The following TTN variants were observed in gnomAD, a reference collection of about 807,000 sequenced individuals.
TTN encodes connectin.
TTN carries 1,525 observed loss-of-function variants against 3,223.0 expected under a neutral mutation model. The observed-to-expected ratio is 0.47, with a 90% CI of 0.45 to 0.49. The LOEUF is 0.49. TTN is among the 20% of genes least tolerant of loss of function. The pLI, the probability that TTN is intolerant of heterozygous loss-of-function variation, is 0.00. For missense variants in TTN, 40,786 were observed against 43,424.0 expected (o/e 0.94, Z 5.40); for synonymous variants, 14,094 against 15,161.0 (o/e 0.93, Z 5.17).
At chr2:178,782,747 A>C (rs1198901632) in intron 18 of TTN, 59 bp downstream of exon 18, 1 of 1,611,412 alleles carries the variant, frequency 6.2e-7, no homozygotes, top group Non-Finnish European at 8.5e-7. Flanking sequence ...ATTGTGGAAA[A>C]GAGTGTCAGA....
intron 278 of TTN, 94 bp downstream of exon 278, chr2:178,606,927 A>T (rs1279669628): frequency 7.2e-7 from 1 of 1,386,062 alleles, no homozygotes; most frequent in Non-Finnish European, 9.8e-7. Flanking sequence ...ATAGATTTTG[A>T]GACTGTTGGG....
Position 178,690,231 on chromosome 2 carries a change from C to T in TTN, c.31763-335G>A, listed in dbSNP as rs1035026562. Among the ~76,000 whole-genome samples, 4 of 152,158 alleles carry T rather than the reference C, an allele frequency of 2.6e-5. No individual in the cohort carries two copies. In the East Asian group the frequency reaches 7.7e-4, roughly 29 times the overall value. The stretch of plus-strand genomic sequence containing the variant: ...TGTGGATATGGTATATAGAAAACTT[C>T]TTTACGCTTTGTATTGAGAAATGGA... On this transcript the variant is annotated intron_variant, in intron 121 of 362. Transcript: ENST00000589042.
At position 178,731,027 on chromosome 2, in the gene TTN, G is replaced by A. The variant is rs1414423068; in HGVS notation, c.17638C>T (p.Leu5880=). 5 of 1,613,590 alleles carry A rather than the reference G, an allele frequency of 3.1e-6. No homozygotes were observed. The highest frequency in any genetic ancestry group is 1.1e-5 in the South Asian group (1 of 91,070). ...TTCTTTTCTGTAGAAATAATCTTCAGTATTGAGACTGTATCAGTGACACTG... is the reference window on the plus strand; with the variant it reads ...TTCTTTTCTGTAGAAATAATCTTCAATATTGAGACTGTATCAGTGACACTG... ...KISVTDTVSI[L]KIISTEKKDS... is the part of the protein sequence containing the mutation. The change falls in exon 60 of 363, where the codon CTG becomes TTG. Residue 5880 remains leucine, a synonymous_variant. Transcript: ENST00000589042.
intron 303 of TTN, 47 bp from the exon 304 acceptor site, chr2:178,591,551 G>C: frequency 1.9e-6 from 3 of 1,588,340 alleles, no homozygotes; most frequent in Non-Finnish European, 2.6e-6. Flanking sequence ...TCACCTATAT[G>C]AATAATTTTA....
In TTN at chr2:178,577,608, C is replaced by T. The variant is rs1443126035; in HGVS notation, c.68818G>A (p.Glu22940Lys). ...ESTETIICKD[E>K]YEAPTIVLDP... ...AAAAGTAAAATGGACCTACCGTATT[C>T]ATCCTTGCAAATAATGGTTTCTGTA... Residue 22940 changes from glutamate to lysine, a missense_variant, in exon 323 of 363, where the codon GAA becomes AAA. Physicochemically the swap from Glu to Lys is moderately conservative, Grantham distance 56. Coordinates refer to ENST00000589042, the MANE Select transcript of TTN (RefSeq NM_001267550.2). 6.9e-6 allele frequency: 11 copies of T among 1,604,116 alleles called. No homozygotes were observed. Among genetic ancestry groups the T allele is most frequent in the Admixed American group, 6.8e-5 (4 of 58,908 alleles).
Position 178,570,720 on chromosome 2 carries a change from T to G in TTN, c.75412A>C (p.Lys25138Gln), listed in dbSNP as rs1392761642. ...SFKVDADIYG[K>Q]PIPTIQWIKG... ...ATCCACTGAATGGTTGGTATTGGTT[T>G]GCCATAAATATCTGCATCAACCTTG... Residue 25138 changes from lysine (K) to glutamine (Q), a missense_variant, in exon 326 of 363, where the codon AAA becomes CAA. Lys to Gln is a moderately conservative substitution (Grantham distance 53, BLOSUM62 1). Transcript: ENST00000589042. The G allele has an allele frequency of 1.2e-6, 2 of 1,613,602 alleles. No individual in the cohort carries two copies. The highest frequency in any genetic ancestry group is 1.7e-6 in the Non-Finnish European group (2 of 1,179,630).
rs2562844 is a variant in TTN, at chr2:178,645,777, G to C, written c.40408+143C>G. On this transcript the variant is annotated intron_variant, in intron 217 of 362. Transcript: ENST00000589042. ...CCAGGAACCATGGGGCAGCAGAAGA[G>C]ACAGCTCTATGCAATCTCACAGTAC... is the stretch of plus-strand genomic sequence containing the variant. 0.028 allele frequency: 13,007 copies of C among 471,910 alleles called. 285 individuals carry two copies. The highest frequency in any genetic ancestry group is 0.086 in the East Asian group (2,216 of 25,778). The allele number at this position is 471,910 out of a possible 1,614,324, so 29.2% of individuals were successfully genotyped here. A position where few individuals can be genotyped will look rare whatever the true frequency, so the allele number is the denominator to read the frequency against.
chr2:178,658,431 G>T, intron 184 of TTN, 37 bp downstream of exon 184: 16 of 1,024,478 alleles, frequency 1.6e-5, no homozygotes, highest in Non-Finnish European at 2.0e-5. Context: ...GGGTACAGAC[G>T]ATAAGTTTTT....
Position 178,774,985 on chromosome 2 carries a change from T to C in TTN, c.6726A>G (p.Glu2242=). 1.9e-6 allele frequency: 3 copies of C among 1,613,990 alleles called. No homozygotes were observed. Among genetic ancestry groups the C allele is most frequent in the Non-Finnish European group, 2.5e-6 (3 of 1,179,930 alleles). Residue 2242 remains glutamate (E), a synonymous_variant, in exon 29 of 363, where the codon GAA becomes GAG. Coordinates refer to ENST00000589042, the MANE Select transcript of TTN (RefSeq NM_001267550.2). ...CTTCCACAAGTACACAGCTGTAATC[T>C]TCAGCATCAGACGTATCAATGGTCA... ...SILTIDTSDA[E]DYSCVLVEDE...
rs2068021456 is a variant in TTN at position 178,676,061 on chromosome 2, C to T, written c.34379-66G>A. 5 of 1,458,868 alleles carry T rather than the reference C, an allele frequency of 3.4e-6. No individual in the cohort carries two copies. The South Asian group carries it at 5.0e-5, about 15-fold the overall frequency. The allele number at this position is 1,458,868 out of a possible 1,614,324, so 90.4% of individuals were successfully genotyped here. A position where few individuals can be genotyped will look rare whatever the true frequency, so the allele number is the denominator to read the frequency against. On this transcript the variant is annotated intron_variant, in intron 147 of 362. Transcript: ENST00000589042. ...GACAAAAAAAGAGAAACCAAGAAGA[C>T]CCCACACCCAGAAAGACCAATGTGT...
chr2:178,679,442 G>C, intron 141 of TTN, 26 bp from the exon 142 acceptor site: 1 of 1,609,084 alleles, frequency 6.2e-7, no homozygotes, highest in Non-Finnish European at 8.5e-7. Context: ...TTATTGTTAA[G>C]TTCTAACTAC....
rs749108620 is a variant in TTN at position 178,730,268 on chromosome 2, C to G, written c.18132G>C (p.Lys6044Asn). 1 of 1,613,056 alleles carries G rather than the reference C, an allele frequency of 6.2e-7. No individual in the cohort carries two copies. Among genetic ancestry groups the G allele is most frequent in the South Asian group, 1.1e-5 (1 of 90,992 alleles). ...LVGGTAPMTI[K>N]WFKDNKELHS... is the part of the protein sequence containing the mutation. The stretch of plus-strand genomic sequence containing the variant: ...GTAACTCTTTGTTATCTTTAAACCA[C>G]TTTATTGTCATGGGTGCAGTGCCAC... The change falls in exon 62 of 363, where the codon AAG becomes AAC. Residue 6044 changes from lysine (K) to asparagine (N), a missense_variant. Transcript: ENST00000589042.
intron 22 of TTN, 158 bp downstream of exon 22, chr2:178,779,842 A>G (rs951367725): frequency 1.5e-6 from 1 of 682,356 alleles, no homozygotes; most frequent in African/African-American, 1.8e-5. Flanking sequence ...TCACAGGTGC[A>G]ACATACCATG....
chr2:178,671,224 CACTA>C, intron 155 of TTN, 54 bp from the exon 156 acceptor site: 1 of 1,366,432 alleles, frequency 7.3e-7, no homozygotes, highest in Non-Finnish European at 1.0e-6. Context: ...TATTTTGGAG[CACTA>C]CTACTAACGT....
At chr2:178,751,033 A>G in intron 47 of TTN, 1 of 1,612,598 alleles carries the variant, frequency 6.2e-7, no homozygotes, top group East Asian at 2.2e-5. Flanking sequence ...AGCTTGTGGG[A>G]AGTTCCTCAG....
Position 178,527,665 on chromosome 2 carries a change from C to A in TTN, c.107461G>T (p.Val35821Phe), listed in dbSNP as rs750296003. 2.5e-6 allele frequency: 4 copies of A among 1,613,904 alleles called. No homozygotes were observed. The South Asian group carries it at 4.4e-5, about 18-fold the overall frequency. Residue 35821 changes from valine to phenylalanine, a missense_variant, in exon 362 of 363, where the codon GTC (valine) becomes TTC (phenylalanine). Transcript: ENST00000589042. ...SLQGSFSSQS[V>F]QMSASKQEAS... is the part of the protein sequence containing the mutation. ...TCCTGCTTGGAGGCAGACATTTGGA[C>A]TGACTGAGACGAGAAGCTTCCTTGC...
chr2:178,782,156 C>G lies in TTN; in HGVS notation c.3380+56G>C, dbSNP rs561530436. ...TGGGGTGAGTAAATTCTACTCTAGG[C>G]TTCATGCACGTATTATACAAGTCAC... On this transcript the variant is annotated intron_variant, in intron 20 of 362. Transcript: ENST00000589042. The G allele has an allele frequency of 3.8e-6, 6 of 1,598,256 alleles. No individual in the cohort carries two copies. In the African/African-American group the frequency reaches 8.0e-5, roughly 21 times the overall value.
chr2:178,563,716 A>C lies in TTN; in HGVS notation c.82416T>G (p.Pro27472=). The C allele has an allele frequency of 6.2e-7, 1 of 1,613,700 alleles. No homozygotes were observed. The highest frequency in any genetic ancestry group is 8.5e-7 in the Non-Finnish European group (1 of 1,179,748). ...TTGCTGAGACTTCAGGTGTTGAGGG[A>C]GGACCTGGTGGCTTATAAGGATTAC... ...TACNPYKPPG[P]PSTPEVSAIT... The change falls in exon 326 of 363, where the codon CCT becomes CCG. Residue 27472 remains proline, a synonymous_variant. Transcript: ENST00000589042. This position sits in a 1 kb window ranked among gnomAD's most constrained non-coding sequence, Gnocchi z 4.5.
chr2:178,607,747 G>T, intron 276 of TTN, 38 bp downstream of exon 276: 2 of 1,612,100 alleles, frequency 1.2e-6, no homozygotes, highest in African/African-American at 1.3e-5. Context: ...CCCATATAGA[G>T]AAAATATCCA....
Sources: gnomAD v4.1 joint callset for allele counts (sites outside exome capture counted in the v4.1 genomes callset) on GRCh38, gnomAD v4.1.1 for gene constraint, Gnocchi (gnomAD v3.1) non-coding constraint, MANE v1.5 for transcripts, NCBI Gene and HGNC (gene_info 2026-07-23, HGNC 2026-07-21) for gene names.